RFX4: variants seen among roughly 807,000 people sequenced by gnomAD.
RFX4 encodes the protein regulatory factor X4, also known as transcription factor RFX4.
In RFX4, 10 loss-of-function variants were observed where a neutral mutation model predicts 95.0. The ratio of observed to expected loss-of-function variants is 0.11; its 90% CI spans 0.06 to 0.18. The LOEUF is 0.18. Ranked by LOEUF, RFX4 falls within the 10% of genes least tolerant of loss-of-function variation. The probability of loss-of-function intolerance (pLI) is 1.00; values close to 1 mark genes in which losing one functional copy is unlikely to be tolerated. For missense variants in RFX4, 640 were observed against 922.0 expected (o/e 0.69, Z 3.96); for synonymous variants, 321 against 340.7 (o/e 0.94, Z 0.64).
intron 4 of RFX4, among the ~76,000 whole-genome samples, chr12:106,672,435 G>A (rs1053333034): frequency 6.6e-6 from 1 of 152,156 alleles, no homozygotes; most frequent in African/African-American, 2.4e-5. Flanking sequence ...GGGATGTTGC[G>A]GAATGTTAGA....
At position 106,586,117 on chromosome 12, in the gene RFX4, C is replaced by A. The variant is rs967443288; in HGVS notation, c.43+2754C>A. On this transcript the variant is annotated intron_variant, in intron 1 of 17. Coordinates refer to ENST00000392842, the MANE Select transcript of RFX4 (RefSeq NM_213594.3). This position sits in a 1 kb window ranked among gnomAD's most constrained non-coding sequence, Gnocchi z 5.6. Reference sequence around the variant, plus strand: ...CTGCCGAGCCCGACAAAGCAAAGCCCCTCTCGGAGGCAAAGCCCCAGCTTG... The same window carrying A: ...CTGCCGAGCCCGACAAAGCAAAGCCACTCTCGGAGGCAAAGCCCCAGCTTG... 2.6e-5 allele frequency: 4 copies of A among 152,260 alleles called. No individual in the cohort carries two copies. The highest frequency in any genetic ancestry group is 2.0e-4 in the Admixed American group (3 of 15,292). 9.4% of individuals were successfully genotyped at this position (152,260 alleles called of 1,614,324 possible).
chr12:106,713,325 G>T (rs1461183978), intron 10 of RFX4, among the ~76,000 whole-genome samples: 2 of 152,206 alleles, frequency 1.3e-5, no homozygotes, highest in Non-Finnish European at 2.9e-5. Context: ...TCACTTCACA[G>T]AATCTTTTGG....
At chr12:106,696,536 C>A in intron 8 of RFX4, 90 bp downstream of exon 8, 2 of 1,366,766 alleles carry the variant, frequency 1.5e-6, no homozygotes, top group Non-Finnish European at 2.0e-6. Flanking sequence ...CATGCACTGT[C>A]CAGAGGCCTC....
intron 13 of RFX4, among the ~76,000 whole-genome samples, chr12:106,722,322 T>A (rs2042411625): frequency 6.6e-6 from 1 of 152,232 alleles, no homozygotes; most frequent in Admixed American, 6.5e-5. Flanking sequence ...CTCTCCATGC[T>A]TTATCCTTTA....
intron 5 of RFX4, 96 bp downstream of exon 5, chr12:106,682,150 G>A (rs1352247234): frequency 7.8e-7 from 1 of 1,285,518 alleles, no homozygotes; most frequent in Non-Finnish European, 1.1e-6. Context: ...TCTGTCTGCA[G>A]GCCTGGCAGA....
At chr12:106,700,983 C>G (rs1456979421) in intron 8 of RFX4, among the ~76,000 whole-genome samples, 1 of 152,134 alleles carries the variant, frequency 6.6e-6, no homozygotes, top group East Asian at 1.9e-4. Context: ...TTGTGTATAT[C>G]CAACTCATCG....
chr12:106,732,055 G>A (rs976304036), intron 13 of RFX4, 75 bp from the exon 14 acceptor site: 1 of 1,576,618 alleles, frequency 6.3e-7, no homozygotes, highest in Non-Finnish European at 8.6e-7. Flanking sequence ...TGTGTAACTT[G>A]TGCAGTTGAC....
At chr12:106,752,808 C>A (rs971933085) in intron 17 of RFX4, among the ~76,000 whole-genome samples, 4 of 152,136 alleles carry the variant, frequency 2.6e-5, no homozygotes, top group African/African-American at 9.7e-5. Flanking sequence ...GGGGAATAGA[C>A]AGGCCATTGC....
At chr12:106,630,335 G>T (rs189675858) in intron 2 of RFX4, among the ~76,000 whole-genome samples, 1 of 152,306 alleles carries the variant, frequency 6.6e-6, no homozygotes, top group East Asian at 1.9e-4. Context: ...AAGTTAGACA[G>T]CCTCTTTCTC....
At chr12:106,681,445 G>A (rs1427150035) in intron 4 of RFX4, among the ~76,000 whole-genome samples, 1 of 152,222 alleles carries the variant, frequency 6.6e-6, no homozygotes, top group Non-Finnish European at 1.5e-5. Flanking sequence ...ACGCCTGAAT[G>A]GTTAAAGAGG....
intron 1 of RFX4, among the ~76,000 whole-genome samples, chr12:106,585,550 A>G (rs1309652056): frequency 2.0e-5 from 3 of 152,204 alleles, no homozygotes; most frequent in Admixed American, 6.5e-5. Flanking sequence ...GGTCCAGTCC[A>G]GAAGCCTTCC....
At chr12:106,612,604 G>A (rs535230103) in intron 2 of RFX4, among the ~76,000 whole-genome samples, 5 of 152,286 alleles carry the variant, frequency 3.3e-5, no homozygotes, top group South Asian at 4.1e-4. Context: ...TTGGGAGGCC[G>A]AGGGAGGTGG....
At chr12:106,612,136 GA>G (rs141925809) in intron 2 of RFX4, among the ~76,000 whole-genome samples, 53 of 150,830 alleles carry the variant, frequency 3.5e-4, no homozygotes, top group African/African-American at 9.2e-4. Flanking sequence ...TCTATTTCTG[GA>G]AAAAAAAATA....
At chr12:106,639,230 T>C (rs1049422718) in intron 2 of RFX4, 102 bp from the exon 3 acceptor site, 4 of 961,700 alleles carry the variant, frequency 4.2e-6, no homozygotes, top group Non-Finnish European at 6.2e-6. Context: ...CATCAACATT[T>C]CAAAGAAACA....
At chr12:106,621,340 C>T (rs2040182586) in intron 2 of RFX4, among the ~76,000 whole-genome samples, 1 of 152,216 alleles carries the variant, frequency 6.6e-6, no homozygotes, top group South Asian at 2.1e-4. Flanking sequence ...TTTGTTCTAG[C>T]AGGCAGAGAG....
chr12:106,712,241 C>T (rs1354653699), intron 10 of RFX4, among the ~76,000 whole-genome samples: 2 of 152,196 alleles, frequency 1.3e-5, no homozygotes, highest in African/African-American at 4.8e-5. Flanking sequence ...TTCACATGGT[C>T]ACTAACAGTT....
intron 15 of RFX4, among the ~76,000 whole-genome samples, chr12:106,738,876 G>A (rs529575644): frequency 1.2e-4 from 18 of 152,072 alleles, no homozygotes; most frequent in South Asian, 6.2e-4. Flanking sequence ...AATCTATTAC[G>A]GTAGGCTTCT....
intron 4 of RFX4, among the ~76,000 whole-genome samples, chr12:106,658,671 C>T (rs1211474992): frequency 6.6e-6 from 1 of 152,146 alleles, no homozygotes; most frequent in East Asian, 1.9e-4. Context: ...TCACTGGGGG[C>T]TTCTCCTAGC....
chr12:106,584,735 G>T (rs2039428835), intron 1 of RFX4, among the ~76,000 whole-genome samples: 1 of 152,200 alleles, frequency 6.6e-6, no homozygotes, highest in African/African-American at 2.4e-5. Flanking sequence ...CCCGGACACC[G>T]GACTGCTCTT....
Sources: gnomAD v4.1 joint callset for allele counts (sites outside exome capture counted in the v4.1 genomes callset) on GRCh38, gnomAD v4.1.1 for gene constraint, Gnocchi (gnomAD v3.1) non-coding constraint, MANE v1.5 for transcripts, NCBI Gene and HGNC (gene_info 2026-07-23, HGNC 2026-07-21) for gene names.